PTPDC1: variants seen among roughly 807,000 people sequenced by gnomAD.
PTPDC1 encodes protein tyrosine phosphatase domain-containing protein 1.
In PTPDC1, 53 loss-of-function variants were observed where a neutral mutation model predicts 75.3. That is an observed-to-expected ratio of 0.70 (90% CI 0.56 to 0.88). The LOEUF (loss-of-function observed/expected upper bound fraction) is 0.88, where lower values mean the gene tolerates loss of function less well. Ranked by LOEUF, PTPDC1 falls within the 40% of genes least tolerant of loss-of-function variation. PTPDC1 has a pLI of 0.00. For missense variants in PTPDC1, 925 were observed against 998.6 expected (o/e 0.93, Z 0.99); for synonymous variants, 349 against 366.2 (o/e 0.95, Z 0.54).
rs901236172 is a variant in PTPDC1, at chr9:94,108,804, C to T, written c.*860C>T. 1.3e-5 allele frequency: 2 copies of T among 152,248 alleles called. No individual in the cohort carries two copies. Among genetic ancestry groups the T allele is most frequent in the Non-Finnish European group, 2.9e-5 (2 of 68,090 alleles). 9.4% of individuals were successfully genotyped at this position (152,248 alleles called of 1,614,324 possible). A position where few individuals can be genotyped will look rare whatever the true frequency, so the allele number is the denominator to read the frequency against. On this transcript the variant is annotated 3_prime_UTR_variant, in exon 9 of 9. Transcript: ENST00000620992. Reference sequence around the variant, plus strand: ...AAGAAGCAGGGCTTGCCTCTGTCCTCCCGGGGACTCCACAGGGATATTCGT... The same window carrying T: ...AAGAAGCAGGGCTTGCCTCTGTCCTTCCGGGGACTCCACAGGGATATTCGT...
intron 7 of PTPDC1, among the ~76,000 whole-genome samples, chr9:94,102,190 T>G (rs934457601): frequency 8.5e-5 from 13 of 152,178 alleles, no homozygotes; most frequent in Non-Finnish European, 1.6e-4. Context: ...CTGTTGGTTG[T>G]TTGTTTCTAC....
In PTPDC1 at chr9:94,037,596, A is replaced by AT. The variant is rs201208381; in HGVS notation, c.-7+6479dup. On this transcript the variant is annotated intron_variant, in intron 1 of 9. Transcript: ENST00000375360. ...ACTCTCATGATTGTTTTTAAACAGA[A>AT]TTTTTTTTTTCTAGAACAGGGACCA... is the stretch of plus-strand genomic sequence containing the variant. Among the ~76,000 whole-genome samples, 26 of 150,602 alleles carry AT rather than the reference A, an allele frequency of 1.7e-4. 1 individual carries two copies. The highest frequency in any genetic ancestry group is 4.9e-4 in the African/African-American group (20 of 41,100).
chr9:94,074,147 T>C (rs1287256624), intron 2 of PTPDC1, among the ~76,000 whole-genome samples: 2 of 151,998 alleles, frequency 1.3e-5, no homozygotes, highest in Non-Finnish European at 2.9e-5. Flanking sequence ...TTTGGGTCCT[T>C]TTCTTTCTCG....
At chr9:94,104,238 T>G in intron 7 of PTPDC1, 37 bp from the exon 8 acceptor site, 7 of 1,509,728 alleles carry the variant, frequency 4.6e-6, no homozygotes, top group Non-Finnish European at 6.4e-6. Context: ...AGGCATTTTT[T>G]GAAAAATTTT....
chr9:94,084,898 TGTTATGCTATTTTA>T (rs1229288957), intron 1 of PTPDC1, 124 bp downstream of exon 1: 6 of 686,250 alleles, frequency 8.7e-6, no homozygotes, highest in Non-Finnish European at 9.7e-6. Context: ...TTTTGCTGTC[TGTTATGCTATTTTA>T]GTGAATATAT....
At chr9:94,052,881 G>A (rs1275371380) in intron 1 of PTPDC1, among the ~76,000 whole-genome samples, 4 of 152,132 alleles carry the variant, frequency 2.6e-5, no homozygotes, top group Admixed American at 2.0e-4. Context: ...GTCTTTGATA[G>A]TATCTTTGAT....
At chr9:94,091,778 T>C (rs1827331154) in intron 4 of PTPDC1, among the ~76,000 whole-genome samples, 1 of 152,188 alleles carries the variant, frequency 6.6e-6, no homozygotes, top group Non-Finnish European at 1.5e-5. Context: ...ATTGGTCTAT[T>C]CAGAGATTCA....
rs747324334 is a variant in PTPDC1 at position 94,097,401 on chromosome 9, C to A, written c.835C>A (p.Pro279Thr). ...AATTATATTTGTGCGGGCAAAGCGACCCAATTCCATACAAACCAGAGGACA... is the reference window on the plus strand; with the variant it reads ...AATTATATTTGTGCGGGCAAAGCGAACCAATTCCATACAAACCAGAGGACA... Reference protein sequence around the residue: ...QAIIFVRAKRPNSIQTRGQLL... With the variant: ...QAIIFVRAKRTNSIQTRGQLL... Residue 279 changes from proline (P) to threonine (T), a missense_variant, in exon 6 of 9, where the codon CCC becomes ACC. Pro to Thr is a conservative substitution (Grantham distance 38). Transcript: ENST00000620992. 65 of 1,614,026 alleles carry A rather than the reference C, an allele frequency of 4.0e-5. 1 individual carries two copies. The highest frequency in any genetic ancestry group is 2.2e-5 in the South Asian group (2 of 91,076).
intron 2 of PTPDC1, among the ~76,000 whole-genome samples, chr9:94,067,892 G>A (rs1163296818): frequency 1.3e-5 from 2 of 152,168 alleles, no homozygotes; most frequent in African/African-American, 4.8e-5. Flanking sequence ...GTGAGCTACC[G>A]TGCCCGGCTT....
At chr9:94,033,094 T>C (rs1259559103) in intron 1 of PTPDC1, among the ~76,000 whole-genome samples, 1 of 151,992 alleles carries the variant, frequency 6.6e-6, no homozygotes, top group Non-Finnish European at 1.5e-5. Flanking sequence ...ATTCCTGGGC[T>C]CAAGTAATCT....
At chr9:94,089,290 T>G (rs1440186611) in intron 4 of PTPDC1, among the ~76,000 whole-genome samples, 3 of 148,002 alleles carry the variant, frequency 2.0e-5, no homozygotes, top group Non-Finnish European at 4.5e-5. Flanking sequence ...CCATGTAATC[T>G]CATTGTTCAA....
At position 94,056,961 on chromosome 9, in the gene PTPDC1, G is replaced by A. The variant is rs34345776; in HGVS notation, c.-6-7773G>A. ...CAGGAAATAGAAATAAATAATATGC[G>A]ATTTTGCAGTGAAATGACAGGGTTA... On this transcript the variant is annotated intron_variant, in intron 1 of 9. Transcript: ENST00000375360. 6.3e-3 allele frequency among the ~76,000 whole-genome samples: 959 copies of A among 152,238 alleles called. 21 individuals are homozygous for A. In the East Asian group the frequency reaches 0.076, roughly 12 times the overall value.
chr9:94,103,618 A>T (rs1417528393), intron 7 of PTPDC1, among the ~76,000 whole-genome samples: 1 of 152,122 alleles, frequency 6.6e-6, no homozygotes, highest in Admixed American at 6.5e-5. Context: ...CTTAGAGTAG[A>T]TTTTCAGAGT....
Position 94,098,153 on chromosome 9 carries a change from C to G in PTPDC1, c.1587C>G (p.Phe529Leu), listed in dbSNP as rs150078190. The G allele has an allele frequency of 6.2e-7, 1 of 1,614,220 alleles. No homozygotes were observed. The highest frequency in any genetic ancestry group is 1.7e-5 in the Admixed American group (1 of 60,026). Residue 529 changes from phenylalanine (F) to leucine (L), a missense_variant, in exon 6 of 9, where the codon TTC becomes TTG. By Grantham distance (22) the Phe-to-Leu change is conservative (BLOSUM62 0). Coordinates refer to ENST00000620992, the MANE Select transcript of PTPDC1 (RefSeq NM_001253829.2). ...EGLKDNGSPIFHGRIIPKEAQ... is the reference protein window; with the variant it reads ...EGLKDNGSPILHGRIIPKEAQ... ...TCAAAGATAATGGGTCACCAATTTTCCATGGAAGGATCATTCCAAAGGAAG... is the reference window on the plus strand; with the variant it reads ...TCAAAGATAATGGGTCACCAATTTTGCATGGAAGGATCATTCCAAAGGAAG...
At chr9:94,088,518 C>A (rs944230823) in intron 4 of PTPDC1, among the ~76,000 whole-genome samples, 2 of 152,074 alleles carry the variant, frequency 1.3e-5, no homozygotes, top group African/African-American at 4.8e-5. Flanking sequence ...TACAGTGTGC[C>A]AGTCACTATT....
intron 1 of PTPDC1, among the ~76,000 whole-genome samples, chr9:94,044,726 C>CTTTTTT (rs71511684): frequency 6.8e-6 from 1 of 147,332 alleles, no homozygotes; most frequent in African/African-American, 2.5e-5. Context: ...ATACCTTTCT[C>CTTTTTT]TTTTTTTTTT....
At position 94,095,436 on chromosome 9, in the gene PTPDC1, G is replaced by T; in HGVS notation, c.736G>T (p.Ala246Ser). 1.9e-6 allele frequency: 3 copies of T among 1,613,458 alleles called. No homozygotes were observed. Among genetic ancestry groups the T allele is most frequent in the Non-Finnish European group, 2.5e-6 (3 of 1,179,680 alleles). Reference protein sequence around the residue: ...QEGKVAIHCHAGLGRTGVLIA... With the variant: ...QEGKVAIHCHSGLGRTGVLIA... ...AGGAAAAGTAGCTATCCATTGTCAT[G>T]CAGGGCTTGGTCGAACAGGTAGGTC... The change falls in exon 5 of 9, where the codon GCA becomes TCA. Residue 246 changes from alanine to serine, a missense_variant. Transcript: ENST00000620992.
chr9:94,033,425 G>A (rs904226070), intron 1 of PTPDC1, among the ~76,000 whole-genome samples: 4 of 152,170 alleles, frequency 2.6e-5, no homozygotes, highest in African/African-American at 7.2e-5. Flanking sequence ...TCTGGTTTCT[G>A]TGGAGGCAAC....
chr9:94,036,013 C>T (rs1218558653), intron 1 of PTPDC1, among the ~76,000 whole-genome samples: 3 of 138,334 alleles, frequency 2.2e-5, no homozygotes, highest in Non-Finnish European at 4.6e-5. Context: ...CATTTTTAAT[C>T]GGATTATTTG....
Sources: allele counts gnomAD v4.1 joint callset (sites outside exome capture counted in the v4.1 genomes callset), GRCh38; gene constraint gnomAD v4.1.1; transcripts MANE v1.5; gene names NCBI Gene and HGNC (gene_info 2026-07-23, HGNC 2026-07-21).